ARMC1: variants seen among roughly 807,000 people sequenced by gnomAD.
ARMC1 encodes armadillo repeat-containing protein 1.
Under a neutral mutation model 31.4 loss-of-function variants are expected in ARMC1, and 16 were observed. The ratio of observed to expected loss-of-function variants is 0.51; its 90% CI spans 0.34 to 0.77. The LOEUF (loss-of-function observed/expected upper bound fraction) is 0.77, where lower values mean the gene tolerates loss of function less well. Among genes scored for constraint, ARMC1 ranks in the 30% least tolerant of loss-of-function variants. ARMC1 has a pLI of 0.01. For synonymous variants in ARMC1, 114 were observed against 118.9 expected (o/e 0.96, Z 0.27); for missense variants, 259 against 347.5 (o/e 0.75, Z 2.02).
At chr8:65,630,491 C>T (rs1201052087) in intron 1 of ARMC1, among the ~76,000 whole-genome samples, 2 of 152,156 alleles carry the variant, frequency 1.3e-5, no homozygotes, top group Non-Finnish European at 2.9e-5. Context: ...CTTTCCTGTT[C>T]CTTTGGGATG....
At chr8:65,616,526 C>A (rs552399655) in intron 3 of ARMC1, among the ~76,000 whole-genome samples, 132 of 152,260 alleles carry the variant, frequency 8.7e-4, no homozygotes, top group African/African-American at 2.9e-3. Flanking sequence ...CCCAAAGTGC[C>A]GAGATTGCAG....
intron 2 of ARMC1, among the ~76,000 whole-genome samples, chr8:65,625,887 CTTTTTT>C (rs1318215282): frequency 1.4e-5 from 2 of 141,688 alleles, no homozygotes; most frequent in African/African-American, 5.2e-5. Flanking sequence ...TTTTTAACAA[CTTTTTT>C]TTTTTTTTTT....
intron 1 of ARMC1, among the ~76,000 whole-genome samples, chr8:65,631,319 C>G (rs1808638099): frequency 6.6e-6 from 1 of 152,190 alleles, no homozygotes; most frequent in African/African-American, 2.4e-5. Flanking sequence ...ATCACAACCT[C>G]TGCCTCTCAG....
At chr8:65,620,301 T>A (rs1808366087) in intron 3 of ARMC1, among the ~76,000 whole-genome samples, 1 of 26,480 alleles carries the variant, frequency 3.8e-5, no homozygotes. Context: ...TTACTTTTTT[T>A]TTTTTTTTTT....
rs751888002 is a variant in ARMC1, at chr8:65,627,439, G to T, written c.-35-6C>A. 1 of 1,482,830 alleles carries T rather than the reference G, an allele frequency of 6.7e-7. No homozygotes were observed. The highest frequency in any genetic ancestry group is 1.4e-5 in the African/African-American group (1 of 71,120). 91.9% of individuals were successfully genotyped at this position (1,482,830 alleles called of 1,614,324 possible). ...CATGAATAAAATCTTAAATTCTGTA[G>T]AAAAGGTTTGCAGAATTAGTTCTAG... On this transcript the variant is annotated splice_region_variant and splice_polypyrimidine_tract_variant and intron_variant, in intron 1 of 6. Transcript: ENST00000276569.
intron 1 of ARMC1, among the ~76,000 whole-genome samples, chr8:65,629,251 C>T (rs575657848): frequency 1.1e-4 from 17 of 151,946 alleles, no homozygotes; most frequent in Non-Finnish European, 2.5e-4. Flanking sequence ...AATTCTGTCA[C>T]TTGTGACAAC....
chr8:65,626,651 C>T (rs1808517041), intron 2 of ARMC1, among the ~76,000 whole-genome samples: 1 of 151,854 alleles, frequency 6.6e-6, no homozygotes, highest in Non-Finnish European at 1.5e-5. Flanking sequence ...TGATATGATC[C>T]AATCCTCAAG....
At chr8:65,629,096 A>G (rs1808579162) in intron 1 of ARMC1, among the ~76,000 whole-genome samples, 1 of 151,568 alleles carries the variant, frequency 6.6e-6, no homozygotes, top group African/African-American at 2.4e-5. Flanking sequence ...CGGAGGTTGC[A>G]GTGAGCCGAG....
chr8:65,622,426 T>G (rs966390682), intron 2 of ARMC1, 72 bp from the exon 3 acceptor site: 2 of 1,199,886 alleles, frequency 1.7e-6, no homozygotes, highest in African/African-American at 1.5e-5. Flanking sequence ...ACTAATTTAC[T>G]GCAAGAAAAC....
chr8:65,628,536 C>T (rs1391599935), intron 1 of ARMC1, among the ~76,000 whole-genome samples: 4 of 149,768 alleles, frequency 2.7e-5, no homozygotes, highest in Non-Finnish European at 4.4e-5. Flanking sequence ...CATGAGCCAC[C>T]GTGTCCAGCC....
chr8:65,612,699 T>C (rs1808167677), intron 4 of ARMC1, among the ~76,000 whole-genome samples: 1 of 143,402 alleles, frequency 7.0e-6, no homozygotes, highest in Non-Finnish European at 1.5e-5. Context: ...CCATCTCTAC[T>C]AAAAACACAA....
At chr8:65,632,545 G>A (rs1224505028) in intron 1 of ARMC1, among the ~76,000 whole-genome samples, 1 of 151,944 alleles carries the variant, frequency 6.6e-6, no homozygotes, top group East Asian at 1.9e-4. Context: ...ACCGGGAGGC[G>A]GAACTTGCAG....
intron 3 of ARMC1, among the ~76,000 whole-genome samples, chr8:65,621,272 T>C (rs1808388256): frequency 6.6e-6 from 1 of 152,140 alleles, no homozygotes; most frequent in Non-Finnish European, 1.5e-5. Context: ...TCTAGTGGCT[T>C]CCACATTAGC....
intron 1 of ARMC1, among the ~76,000 whole-genome samples, chr8:65,631,941 AT>A (rs1184545116): frequency 4.8e-5 from 1 of 20,642 alleles, no homozygotes; most frequent in African/African-American, 2.5e-4. Flanking sequence ...TTAAATGAAT[AT>A]TTCAGGATTC....
At chr8:65,629,794 G>A (rs1429334197) in intron 1 of ARMC1, among the ~76,000 whole-genome samples, 13 of 64,300 alleles carry the variant, frequency 2.0e-4, no homozygotes, top group African/African-American at 1.1e-3. Context: ...GCAAGACTCC[G>A]TCTCAAAAAA....
At chr8:65,613,461 T>C (rs752099341) in intron 3 of ARMC1, 28 bp from the exon 4 acceptor site, 41 of 1,443,816 alleles carry the variant, frequency 2.8e-5, no homozygotes, top group South Asian at 5.5e-5. Flanking sequence ...ATATAATTAG[T>C]CTTGTCACTT....
intron 3 of ARMC1, among the ~76,000 whole-genome samples, chr8:65,614,604 T>A (rs1421237653): frequency 6.6e-6 from 1 of 152,230 alleles, no homozygotes; most frequent in Non-Finnish European, 1.5e-5. Flanking sequence ...CCCTTTAATG[T>A]ACACTCAAGG....
chr8:65,625,337 A>T, intron 2 of ARMC1, among the ~76,000 whole-genome samples: 1 of 152,202 alleles, frequency 6.6e-6, no homozygotes, highest in South Asian at 2.1e-4. Flanking sequence ...ACTCTAGACA[A>T]ATCCAAGTAC....
intron 1 of ARMC1, among the ~76,000 whole-genome samples, chr8:65,629,154 C>CAAAA (rs761505047): frequency 1.4e-4 from 11 of 77,086 alleles, no homozygotes; most frequent in South Asian, 3.9e-4. Flanking sequence ...GACTCCATCT[C>CAAAA]AAAAAAAAAA....
Sources: allele counts gnomAD v4.1 joint callset (sites outside exome capture counted in the v4.1 genomes callset), GRCh38; gene constraint gnomAD v4.1.1; transcripts MANE v1.5; gene names NCBI Gene and HGNC (gene_info 2026-07-23, HGNC 2026-07-21).